LEPR: variants seen among roughly 807,000 people sequenced by gnomAD.
LEPR encodes the protein OB receptor.
Under a neutral mutation model 114.7 loss-of-function variants are expected in LEPR, and 56 were observed. The observed-to-expected ratio is 0.49, with a 90% CI of 0.39 to 0.61. The LOEUF is 0.61. Ranked by LOEUF, LEPR falls within the 20% of genes least tolerant of loss-of-function variation. The pLI is 0.00. For missense variants in LEPR, 1,202 were observed against 1,352.9 expected (o/e 0.89, Z 1.75); for synonymous variants, 443 against 461.4 (o/e 0.96, Z 0.51).
chr1:65,480,293 C>T (rs1251482290), intron 2 of LEPR, among the ~76,000 whole-genome samples: 1 of 151,964 alleles, frequency 6.6e-6, no homozygotes, highest in African/African-American at 2.4e-5. Flanking sequence ...GAAGAATACA[C>T]ATGTGAAAAC....
At chr1:65,544,537 C>G (rs1246686790) in intron 2 of LEPR, among the ~76,000 whole-genome samples, 2 of 151,950 alleles carry the variant, frequency 1.3e-5, no homozygotes, top group African/African-American at 4.9e-5. Context: ...AAAGGGAATG[C>G]TTCCAGCTTT....
At chr1:65,488,159 C>CCTTCCTTTCTTTCTTT (rs1249504387) in intron 2 of LEPR, among the ~76,000 whole-genome samples, 13 of 65,476 alleles carry the variant, frequency 2.0e-4, no homozygotes, top group South Asian at 7.1e-4. Flanking sequence ...TTCCTTCCTT[C>CCTTCCTTTCTTTCTTT]CTTTCTTTCT....
chr1:65,533,327 T>A (rs1012730619), intron 2 of LEPR, among the ~76,000 whole-genome samples: 3 of 152,074 alleles, frequency 2.0e-5, no homozygotes, highest in African/African-American at 7.2e-5. Flanking sequence ...TTCCTAACAA[T>A]TTTTTTAGAA....
intron 2 of LEPR, among the ~76,000 whole-genome samples, chr1:65,465,012 G>A (rs1646992258): frequency 6.6e-6 from 1 of 151,996 alleles, no homozygotes; most frequent in Non-Finnish European, 1.5e-5. Context: ...GGTTTTTTGT[G>A]TCTCTATCTC....
At chr1:65,433,262 A>G (rs1646513502) in intron 2 of LEPR, 1 of 985,264 alleles carries the variant, frequency 1.0e-6, no homozygotes, top group South Asian at 4.7e-5. Flanking sequence ...GTAAGCACGC[A>G]GTGGGTGAAC....
chr1:65,620,041 A>T lies in LEPR; in HGVS notation c.2491+18A>T, dbSNP rs1327081907. 1 of 1,582,088 alleles carries T rather than the reference A, an allele frequency of 6.3e-7. No homozygotes were observed. Among genetic ancestry groups the T allele is most frequent in the African/African-American group, 1.3e-5 (1 of 74,258 alleles). ...CACTCAAGGTAAAAATTATAATTTT[A>T]GTTTCCTTTTACACCAATGTGTGTG... On this transcript the variant is annotated intron_variant, in intron 17 of 19. Coordinates refer to ENST00000349533, the MANE Select transcript of LEPR (RefSeq NM_002303.6).
chr1:65,571,848 T>C (rs1330785131), intron 4 of LEPR, among the ~76,000 whole-genome samples: 3 of 142,480 alleles, frequency 2.1e-5, no homozygotes, highest in African/African-American at 7.8e-5. Context: ...TGCATGCCTC[T>C]AGTCCCATCT....
At chr1:65,470,256 C>T (rs1038933923) in intron 2 of LEPR, among the ~76,000 whole-genome samples, 6 of 152,232 alleles carry the variant, frequency 3.9e-5, no homozygotes, top group African/African-American at 1.2e-4. Flanking sequence ...TACCTCACCA[C>T]CATCACCAAG....
intron 2 of LEPR, chr1:65,431,744 T>C (rs1050562475): frequency 2.0e-6 from 3 of 1,533,846 alleles, no homozygotes; most frequent in African/African-American, 2.8e-5. Context: ...ATAATAGGGA[T>C]TGCAAAGAGT....
intron 2 of LEPR, among the ~76,000 whole-genome samples, chr1:65,539,168 T>G (rs1370367880): frequency 6.6e-6 from 1 of 151,846 alleles, no homozygotes; most frequent in Non-Finnish European, 1.5e-5. Context: ...AGCTCTTTCT[T>G]GCTCTCATTA....
At chr1:65,602,677 G>A (rs1656522578) in intron 10 of LEPR, among the ~76,000 whole-genome samples, 1 of 151,872 alleles carries the variant, frequency 6.6e-6, no homozygotes, top group African/African-American at 2.4e-5. Flanking sequence ...ATTTTTATTT[G>A]TAGTGGAGAC....
chr1:65,435,431 G>A (rs1250974169), intron 2 of LEPR: 42 of 654,814 alleles, frequency 6.4e-5, no homozygotes, highest in Non-Finnish European at 7.5e-5. Flanking sequence ...GCAGTGGTGC[G>A]ATCTTGGCTC....
intron 7 of LEPR, among the ~76,000 whole-genome samples, chr1:65,598,113 T>TTTTTTTTTTTTTG (rs1656200005): frequency 6.8e-6 from 1 of 147,764 alleles, no homozygotes; most frequent in Non-Finnish European, 1.5e-5. Context: ...TTTTTTTTTT[T>TTTTTTTTTTTTTG]TTAAGAGATG....
chr1:65,424,903 G>T (rs997368085), intron 1 of LEPR, among the ~76,000 whole-genome samples: 6 of 152,166 alleles, frequency 3.9e-5, no homozygotes, highest in African/African-American at 1.4e-4. Flanking sequence ...AGCATCTCAC[G>T]GTGAGAGGGA....
intron 14 of LEPR, among the ~76,000 whole-genome samples, chr1:65,612,251 C>T (rs76005818): frequency 1.9e-3 from 288 of 152,254 alleles, no homozygotes; most frequent in African/African-American, 6.6e-3. Flanking sequence ...TACAAAAAGA[C>T]GGCAAAGATA....
chr1:65,441,596 A>G (rs1229189941), intron 2 of LEPR, among the ~76,000 whole-genome samples: 5 of 152,320 alleles, frequency 3.3e-5, no homozygotes, highest in Admixed American at 2.0e-4. Context: ...GTTAAGAGCT[A>G]TGGCCCACGA....
Position 65,622,889 on chromosome 1 carries a change from C to G in LEPR, c.2598-17C>G, listed in dbSNP as rs369840996. ...GATGTTTTTCTCTAATTTTGATGCCCTGTTTATCCTTTGTAGAATGAAAAA... is the reference window on the plus strand; with the variant it reads ...GATGTTTTTCTCTAATTTTGATGCCGTGTTTATCCTTTGTAGAATGAAAAA... On this transcript the variant is annotated splice_polypyrimidine_tract_variant and intron_variant, in intron 18 of 19. Coordinates refer to ENST00000349533, the MANE Select transcript of LEPR (RefSeq NM_002303.6). 10 of 1,613,216 alleles carry G rather than the reference C, an allele frequency of 6.2e-6. No homozygotes were observed. The highest frequency in any genetic ancestry group is 8.5e-6 in the Non-Finnish European group (10 of 1,179,608).
chr1:65,595,771 G>A (rs939999935), intron 6 of LEPR, among the ~76,000 whole-genome samples: 1 of 151,938 alleles, frequency 6.6e-6, no homozygotes, highest in African/African-American at 2.4e-5. Flanking sequence ...AAAATGCATC[G>A]ATTTTCTATC....
chr1:65,463,013 G>A (rs1451486277), intron 2 of LEPR, among the ~76,000 whole-genome samples: 1 of 152,076 alleles, frequency 6.6e-6, no homozygotes, highest in Non-Finnish European at 1.5e-5. Context: ...GATACCATTT[G>A]TCAATTTTGG....
Sources: gnomAD v4.1 joint callset for allele counts (sites outside exome capture counted in the v4.1 genomes callset) on GRCh38, gnomAD v4.1.1 for gene constraint, MANE v1.5 for transcripts, NCBI Gene and HGNC (gene_info 2026-07-23, HGNC 2026-07-21) for gene names.